Variants in SV2C observed in about 807,000 individuals in gnomAD.
The protein encoded by SV2C is solute carrier family 22 member B3.
SV2C carries 49 observed loss-of-function variants against 79.7 expected under a neutral mutation model. The ratio of observed to expected loss-of-function variants is 0.61; its 90% confidence interval spans 0.49 to 0.78. SV2C has a LOEUF of 0.78. Ranked by LOEUF, SV2C falls within the 30% of genes least tolerant of loss-of-function variation. SV2C has a pLI of 0.00. For missense variants in SV2C, 833 were observed against 912.9 expected (o/e 0.91, Z 1.13); for synonymous variants, 334 against 333.2 (o/e 1.00, Z -0.03).
At chr5:76,209,946 C>A in intron 4 of SV2C, 59 bp downstream of exon 4, 1 of 1,537,028 alleles carries the variant, frequency 6.5e-7, no homozygotes, top group South Asian at 1.2e-5. Context: ...AGGCTCCATT[C>A]CCATCTTCTT....
the SV2C span, among the ~76,000 whole-genome samples, chr5:75,915,214 G>A: frequency 2.6e-5 from 4 of 152,094 alleles, no homozygotes; most frequent in African/African-American, 9.7e-5. Context: ...GGCATAGAGA[G>A]GCTATTTCCC....
the SV2C span, among the ~76,000 whole-genome samples, chr5:75,863,829 C>T: frequency 1.3e-5 from 2 of 152,282 alleles, no homozygotes; most frequent in South Asian, 2.1e-4. Context: ...TTTTCCATAG[C>T]CCCAACCTAT....
chr5:76,347,231 C>G (rs143249099), intron 12 of SV2C, among the ~76,000 whole-genome samples: 4 of 152,222 alleles, frequency 2.6e-5, no homozygotes, highest in African/African-American at 9.6e-5. Flanking sequence ...TGTACCTCAT[C>G]ATTGAATGAT....
chr5:76,320,291 G>A (rs1480085164), intron 12 of SV2C, among the ~76,000 whole-genome samples: 1 of 152,126 alleles, frequency 6.6e-6, no homozygotes, highest in African/African-American at 2.4e-5. Flanking sequence ...GGGTTGTGGG[G>A]AGAGAGGAAT....
chr5:75,886,164 G>A, the SV2C span, among the ~76,000 whole-genome samples: 2 of 152,120 alleles, frequency 1.3e-5, no homozygotes, highest in Non-Finnish European at 2.9e-5. Flanking sequence ...TCTACTGAGA[G>A]CTGTCATTTG....
exon 13 of SV2C, chr5:76,353,448 G>A (rs527641107): frequency 4.0e-4 from 64 of 161,632 alleles, no homozygotes; most frequent in South Asian, 9.1e-4. Flanking sequence ...ACAGCTCTCA[G>A]AAACAACGGA....
At chr5:75,967,035 A>G in the SV2C span, among the ~76,000 whole-genome samples, 1 of 152,132 alleles carries the variant, frequency 6.6e-6, no homozygotes, top group East Asian at 1.9e-4. Context: ...TGATTTTTTA[A>G]AAAAATTCTC....
the SV2C span, among the ~76,000 whole-genome samples, chr5:75,884,754 C>T: frequency 1.3e-5 from 2 of 151,996 alleles, 1 homozygote; most frequent in African/African-American, 4.8e-5. Flanking sequence ...AAACATCACA[C>T]TGTACCCCAT....
chr5:76,020,814 C>T, the SV2C span, among the ~76,000 whole-genome samples: 3 of 152,216 alleles, frequency 2.0e-5, no homozygotes, highest in Admixed American at 2.0e-4. Context: ...AGCAGGTGTG[C>T]TTTTTCCACC....
At chr5:75,904,914 G>A in the SV2C span, among the ~76,000 whole-genome samples, 1 of 152,206 alleles carries the variant, frequency 6.6e-6, no homozygotes, top group Non-Finnish European at 1.5e-5. Context: ...TAAGTAGAGA[G>A]AAAACAGAGT....
chr5:76,274,123 G>A (rs1437597845), intron 4 of SV2C, among the ~76,000 whole-genome samples: 3 of 152,286 alleles, frequency 2.0e-5, no homozygotes, highest in African/African-American at 4.8e-5. Flanking sequence ...AAATATGTAA[G>A]TATTGAATAG....
At chr5:75,888,936 G>A in the SV2C span, among the ~76,000 whole-genome samples, 6 of 152,190 alleles carry the variant, frequency 3.9e-5, no homozygotes, top group South Asian at 1.2e-3. Context: ...AGAAGTCTGA[G>A]ATCAGGATGT....
chr5:76,073,503 G>GTATGTA, the SV2C span, among the ~76,000 whole-genome samples: 2 of 67,412 alleles, frequency 3.0e-5, no homozygotes, highest in East Asian at 3.5e-4. Flanking sequence ...GTATGTGTGT[G>GTATGTA]TATATATATA....
chr5:75,875,606 C>T, the SV2C span, among the ~76,000 whole-genome samples: 2 of 152,120 alleles, frequency 1.3e-5, no homozygotes, highest in African/African-American at 4.8e-5. Context: ...TTAAGAGCTT[C>T]TGCATAGCAA....
At chr5:76,011,675 A>G in the SV2C span, among the ~76,000 whole-genome samples, 1 of 152,048 alleles carries the variant, frequency 6.6e-6, no homozygotes, top group African/African-American at 2.4e-5. Flanking sequence ...GGTTTGTTAC[A>G]TAGATATACA....
At chr5:76,260,641 A>G (rs914161275) in intron 4 of SV2C, among the ~76,000 whole-genome samples, 2 of 152,198 alleles carry the variant, frequency 1.3e-5, no homozygotes, top group Non-Finnish European at 2.9e-5. Context: ...GAAGGTGTCC[A>G]GTTTCTGTTT....
the SV2C span, among the ~76,000 whole-genome samples, chr5:76,059,579 G>T: frequency 6.6e-6 from 1 of 151,404 alleles, no homozygotes; most frequent in African/African-American, 2.4e-5. Context: ...ACATCTTCAG[G>T]CTCCACTTCT....
chr5:76,238,727 C>T lies in SV2C; in HGVS notation c.913+28840C>T, dbSNP rs543920170. Among the ~76,000 whole-genome samples, 63 of 152,230 alleles carry T rather than the reference C, an allele frequency of 4.1e-4. 1 individual carries two copies. The South Asian group carries it at 7.3e-3, about 18-fold the overall frequency. On this transcript the variant is annotated intron_variant, in intron 4 of 12. Transcript: ENST00000502798. ...TTTAGAAGACTATTTTCTGTGAAAA[C>T]GAACAATTCATTTTCCATATTGGAG...
At chr5:76,101,322 G>A (rs2112118520) in intron 1 of SV2C, among the ~76,000 whole-genome samples, 1 of 152,286 alleles carries the variant, frequency 6.6e-6, no homozygotes, top group South Asian at 2.1e-4. Context: ...GAAATCAGGT[G>A]TACAGTGGCT....
Sources: gnomAD v4.1 joint callset for allele counts (sites outside exome capture counted in the v4.1 genomes callset) on GRCh38, gnomAD v4.1.1 for gene constraint, MANE v1.5 for transcripts, NCBI Gene and HGNC (gene_info 2026-07-23, HGNC 2026-07-21) for gene names.